The following CADM2 variants were observed in gnomAD, a reference collection of about 807,000 sequenced individuals.
CADM2 encodes immunoglobulin superfamily member 4D.
CADM2 carries 12 observed loss-of-function variants against 49.8 expected under a neutral mutation model. The ratio of observed to expected loss-of-function variants is 0.24; its 90% CI spans 0.15 to 0.39. CADM2 has a LOEUF of 0.39. CADM2 is among the 10% of genes least tolerant of loss of function. The probability of loss-of-function intolerance (pLI) is 1.00; values close to 1 mark genes in which losing one functional copy is unlikely to be tolerated. For missense variants in CADM2, 378 were observed against 492.3 expected (o/e 0.77, Z 2.20); for synonymous variants, 214 against 175.4 (o/e 1.22, Z -1.74).
chr3:86,009,335 G>T (rs1189318423), intron 8 of CADM2, among the ~76,000 whole-genome samples: 1 of 150,292 alleles, frequency 6.7e-6, no homozygotes, highest in Non-Finnish European at 1.5e-5. Flanking sequence ...AAAAATATTT[G>T]TTTCTCTGGA....
In CADM2 at chr3:85,372,363, GTATATATATATGTGTGTGTGTA is replaced by G. The variant is rs1364215704; in HGVS notation, c.62-354152_62-354131del. ...TATATATATATATATGTGTGTGTGT[GTATATATATATGTGTGTGTGTA>G]TATATAGATATATGTATATGTATAT... On this transcript the variant is annotated intron_variant, in intron 1 of 9. Coordinates refer to ENST00000383699, the MANE Select transcript of CADM2 (RefSeq NM_001167675.2). Among the ~76,000 whole-genome samples, 9 of 150,274 alleles carry G rather than the reference GTATATATATATGTGTGTGTGTA, an allele frequency of 6.0e-5. No individual in the cohort carries two copies. The South Asian group carries it at 1.3e-3, about 21-fold the overall frequency.
chr3:85,898,720 G>A (rs1377218830), intron 5 of CADM2, among the ~76,000 whole-genome samples: 1 of 151,250 alleles, frequency 6.6e-6, no homozygotes, highest in Admixed American at 6.6e-5. Context: ...CCCAGTGATG[G>A]ACATTCAGGT....
intron 3 of CADM2, among the ~76,000 whole-genome samples, chr3:85,849,870 C>G (rs755159755): frequency 6.6e-5 from 10 of 150,704 alleles, no homozygotes; most frequent in Non-Finnish European, 8.9e-5. Flanking sequence ...CTCTCAAAAA[C>G]TCTTGCAAAC....
At chr3:85,511,862 C>A in intron 1 of CADM2, 1 of 982,846 alleles carries the variant, frequency 1.0e-6, no homozygotes, top group Non-Finnish European at 1.2e-6. Context: ...TTTAGGTAAG[C>A]ACATTAATCA....
intron 1 of CADM2, among the ~76,000 whole-genome samples, chr3:85,634,732 TG>T (rs1330618224): frequency 6.6e-6 from 1 of 152,126 alleles, no homozygotes; most frequent in Non-Finnish European, 1.5e-5. Flanking sequence ...GACTCTTTTA[TG>T]TGATAGATCA....
rs373864472 is a variant in CADM2 at position 85,262,224 on chromosome 3, G to A, written c.61+302556G>A. On this transcript the variant is annotated intron_variant, in intron 1 of 9. Transcript: ENST00000383699. ...AGGCCTAATTTCTCCTGACTTAAATGATACATTAGGCATTTTAACCCAATT... is the reference window on the plus strand; with the variant it reads ...AGGCCTAATTTCTCCTGACTTAAATAATACATTAGGCATTTTAACCCAATT... Among the ~76,000 whole-genome samples, 15 of 152,158 alleles carry A rather than the reference G, an allele frequency of 9.9e-5. No individual in the cohort carries two copies. The East Asian group carries it at 2.7e-3, about 27-fold the overall frequency.
At chr3:86,016,457 G>A (rs1362932939) in intron 8 of CADM2, among the ~76,000 whole-genome samples, 1 of 152,086 alleles carries the variant, frequency 6.6e-6, no homozygotes, top group Non-Finnish European at 1.5e-5. Context: ...AAAGGTTAAT[G>A]ACATGTAAGG....
chr3:85,208,266 G>A (rs1576121212), intron 1 of CADM2, among the ~76,000 whole-genome samples: 1 of 152,070 alleles, frequency 6.6e-6, no homozygotes, highest in East Asian at 1.9e-4. Flanking sequence ...AGTATGCTTT[G>A]TTATAACACC....
chr3:85,970,050 T>C (rs1725932018), intron 8 of CADM2, among the ~76,000 whole-genome samples: 1 of 149,804 alleles, frequency 6.7e-6, no homozygotes, highest in Non-Finnish European at 1.5e-5. Flanking sequence ...AGGGAAATAA[T>C]TGATATTCCT....
intron 1 of CADM2, among the ~76,000 whole-genome samples, chr3:85,279,977 G>C (rs1351187422): frequency 1.3e-5 from 2 of 151,504 alleles, no homozygotes; most frequent in Non-Finnish European, 3.0e-5. Flanking sequence ...TTCCTATTCT[G>C]TAGGTGGCCT....
intron 1 of CADM2, among the ~76,000 whole-genome samples, chr3:85,576,560 A>G (rs897345695): frequency 6.6e-6 from 1 of 152,188 alleles, no homozygotes; most frequent in Admixed American, 6.5e-5. Context: ...TCATACACAA[A>G]TATTAGTATA....
chr3:85,573,190 T>G (rs1250367493), intron 1 of CADM2, among the ~76,000 whole-genome samples: 1 of 75,390 alleles, frequency 1.3e-5, no homozygotes, highest in African/African-American at 4.0e-5. Context: ...TATTTATTTA[T>G]TTATTTATTT....
intron 3 of CADM2, among the ~76,000 whole-genome samples, chr3:85,827,822 G>A (rs1158673072): frequency 6.6e-6 from 1 of 151,782 alleles, no homozygotes; most frequent in Non-Finnish European, 1.5e-5. Context: ...AATGATTCAG[G>A]TCAACAAGAT....
chr3:85,748,922 A>G (rs2068743977), intron 2 of CADM2, among the ~76,000 whole-genome samples: 1 of 152,038 alleles, frequency 6.6e-6, no homozygotes, highest in African/African-American at 2.4e-5. Flanking sequence ...TGCTGTAAAT[A>G]TGAGATAATA....
At chr3:85,873,509 T>C (rs566224872) in intron 3 of CADM2, among the ~76,000 whole-genome samples, 4 of 152,006 alleles carry the variant, frequency 2.6e-5, no homozygotes, top group East Asian at 3.9e-4. Flanking sequence ...CTACTAAAAA[T>C]AGGAAAATTA....
At chr3:85,009,366 C>T (rs1033189237) in intron 1 of CADM2, among the ~76,000 whole-genome samples, 26 of 152,228 alleles carry the variant, frequency 1.7e-4, no homozygotes, top group Admixed American at 1.3e-3. Context: ...CAAGTTACAG[C>T]TCACGAGTTG....
chr3:85,695,036 C>T (rs974921757), intron 1 of CADM2, among the ~76,000 whole-genome samples: 3 of 152,036 alleles, frequency 2.0e-5, no homozygotes, highest in Non-Finnish European at 4.4e-5. Context: ...TAGAATGTAA[C>T]CTCCTCTAAT....
chr3:85,956,631 G>A (rs1724085984), intron 7 of CADM2, among the ~76,000 whole-genome samples: 1 of 150,578 alleles, frequency 6.6e-6, no homozygotes, highest in Non-Finnish European at 1.5e-5. Context: ...TTTTGTAGAT[G>A]CTGTTGTTAT....
chr3:85,118,302 T>A (rs916332511), intron 1 of CADM2, among the ~76,000 whole-genome samples: 1 of 152,102 alleles, frequency 6.6e-6, no homozygotes, highest in Non-Finnish European at 1.5e-5. Flanking sequence ...GAATTTGTAA[T>A]ACATTAACAA....
Sources: allele counts gnomAD v4.1 joint callset (sites outside exome capture counted in the v4.1 genomes callset), GRCh38; gene constraint gnomAD v4.1.1; transcripts MANE v1.5; gene names NCBI Gene and HGNC (gene_info 2026-07-23, HGNC 2026-07-21).